Variants in DPP10 observed in about 807,000 individuals in gnomAD.
DPP10 encodes inactive dipeptidyl peptidase 10.
DPP10 carries 33 observed loss-of-function variants against 120.9 expected under a neutral mutation model. The observed-to-expected ratio is 0.27, with a 90% CI of 0.21 to 0.37. DPP10 has a LOEUF of 0.37. Ranked by LOEUF, DPP10 falls within the 10% of genes least tolerant of loss-of-function variation. The pLI is 1.00. For missense variants in DPP10, 816 were observed against 942.8 expected (o/e 0.87, Z 1.76); for synonymous variants, 337 against 326.1 (o/e 1.03, Z -0.36).
chr2:114,658,569 T>C (rs1274231277), intron 1 of DPP10, among the ~76,000 whole-genome samples: 1 of 152,128 alleles, frequency 6.6e-6, no homozygotes, highest in Non-Finnish European at 1.5e-5. Flanking sequence ...GGAACTGAAA[T>C]AGGTGTTTAA....
At chr2:114,547,871 A>G (rs746737553) in intron 1 of DPP10, among the ~76,000 whole-genome samples, 19 of 152,222 alleles carry the variant, frequency 1.2e-4, no homozygotes, top group Non-Finnish European at 2.8e-4. Context: ...AGGGGAGCAC[A>G]GCTACTGCCA....
intron 5 of DPP10, among the ~76,000 whole-genome samples, chr2:115,659,812 C>A (rs1381141931): frequency 6.6e-6 from 1 of 152,124 alleles, no homozygotes; most frequent in African/African-American, 2.4e-5. Flanking sequence ...GTTCTATAAG[C>A]CCCAGGCAAG....
intron 1 of DPP10, among the ~76,000 whole-genome samples, chr2:115,189,865 C>T (rs1275339637): frequency 1.3e-5 from 2 of 152,146 alleles, no homozygotes; most frequent in Non-Finnish European, 2.9e-5. Flanking sequence ...TTTCCATTTA[C>T]TGTACCATTT....
chr2:115,247,629 CAAG>C, intron 1 of DPP10, among the ~76,000 whole-genome samples: 1 of 152,108 alleles, frequency 6.6e-6, no homozygotes, highest in Non-Finnish European at 1.5e-5. Context: ...ACTCTTGCCC[CAAG>C]AGAGTCAGTG....
intron 19 of DPP10, among the ~76,000 whole-genome samples, chr2:115,811,441 T>C (rs1484021499): frequency 2.0e-5 from 3 of 152,200 alleles, no homozygotes; most frequent in Non-Finnish European, 4.4e-5. Context: ...CTGTTGCCAT[T>C]TACTAATTGT....
chr2:114,872,055 G>A (rs1037053813), intron 1 of DPP10, among the ~76,000 whole-genome samples: 1 of 152,166 alleles, frequency 6.6e-6, no homozygotes, highest in Non-Finnish European at 1.5e-5. Context: ...TTAGCAAAGA[G>A]CTTTGACTTC....
In DPP10 at chr2:114,788,239, C is replaced by A. The variant is rs189266286; in HGVS notation, c.60+345401C>A. Among the ~76,000 whole-genome samples the A allele has an allele frequency of 5.4e-3, 827 of 152,146 alleles. 5 individuals carry two copies. Among genetic ancestry groups the A allele is most frequent in the African/African-American group, 0.019 (791 of 41,502 alleles). ...TTGTTTATGGTTCAATCTAATGTAA[C>A]AATTTTCCTACATTTTAATATTTTG... On this transcript the variant is annotated intron_variant, in intron 1 of 25. Coordinates refer to ENST00000410059, the MANE Select transcript of DPP10 (RefSeq NM_020868.6).
At chr2:115,590,837 C>G (rs1260993602) in intron 5 of DPP10, among the ~76,000 whole-genome samples, 1 of 152,138 alleles carries the variant, frequency 6.6e-6, no homozygotes, top group African/African-American at 2.4e-5. Context: ...CTGTTGTTTC[C>G]TGACTTTTTA....
chr2:115,436,865 TTTAA>T (rs2071546964), intron 3 of DPP10, among the ~76,000 whole-genome samples: 2 of 151,944 alleles, frequency 1.3e-5, no homozygotes, highest in African/African-American at 4.8e-5. Context: ...CTGAACCATC[TTTAA>T]TTAATAATTT....
intron 1 of DPP10, among the ~76,000 whole-genome samples, chr2:115,047,803 G>T (rs1201306234): frequency 1.3e-5 from 2 of 152,180 alleles, no homozygotes; most frequent in Non-Finnish European, 2.9e-5. Context: ...ACTTCTTGCT[G>T]ATTCTCACCT....
chr2:115,553,933 G>A, intron 5 of DPP10, among the ~76,000 whole-genome samples: 1 of 151,002 alleles, frequency 6.6e-6, no homozygotes, highest in African/African-American at 2.4e-5. Flanking sequence ...TTCAGGTGAA[G>A]TGAATACTGG....
intron 2 of DPP10, among the ~76,000 whole-genome samples, chr2:115,328,349 G>C (rs1249045027): frequency 6.6e-6 from 1 of 152,080 alleles, no homozygotes; most frequent in Non-Finnish European, 1.5e-5. Context: ...AAAGAGGTTT[G>C]AGAATCATTA....
chr2:115,821,203 AG>A (rs1289073193), intron 21 of DPP10, among the ~76,000 whole-genome samples: 7 of 152,214 alleles, frequency 4.6e-5, no homozygotes, highest in Admixed American at 1.3e-4. Context: ...GGTGCATTAA[AG>A]TATCCCTTTA....
At position 115,187,086 on chromosome 2, in the gene DPP10, G is replaced by A. The variant is rs1043269227; in HGVS notation, c.61-122153G>A. Among the ~76,000 whole-genome samples the A allele has an allele frequency of 1.7e-4, 22 of 126,358 alleles. No homozygotes were observed. The South Asian group carries it at 4.0e-3, about 23-fold the overall frequency. 82.9% of individuals were successfully genotyped at this position (126,358 alleles called of 152,430 possible). The stretch of plus-strand genomic sequence containing the variant: ...GGAGTTTCGCTCTGTCGGGCCTGCG[G>A]ACTGCAATGGCGCAATCTCGGCTCA... On this transcript the variant is annotated intron_variant, in intron 1 of 25. Transcript: ENST00000410059.
intron 15 of DPP10, among the ~76,000 whole-genome samples, chr2:115,780,511 T>C (rs1682622950): frequency 6.6e-6 from 1 of 151,836 alleles, no homozygotes; most frequent in African/African-American, 2.4e-5. Context: ...TTGAATAATC[T>C]CTGTGGGAAA....
intron 1 of DPP10, among the ~76,000 whole-genome samples, chr2:114,489,153 G>A (rs1681765265): frequency 6.6e-6 from 1 of 152,164 alleles, no homozygotes; most frequent in South Asian, 2.1e-4. Context: ...TGTCATCCAT[G>A]CCCGGATCCC....
intron 5 of DPP10, among the ~76,000 whole-genome samples, chr2:115,531,779 T>A (rs896460505): frequency 6.6e-6 from 1 of 152,130 alleles, no homozygotes; most frequent in African/African-American, 2.4e-5. Flanking sequence ...CAGCAAAACA[T>A]TGCTGTTCTC....
At chr2:115,415,934 A>C (rs970068252) in intron 3 of DPP10, among the ~76,000 whole-genome samples, 1 of 148,744 alleles carries the variant, frequency 6.7e-6, no homozygotes, top group Non-Finnish European at 1.5e-5. Flanking sequence ...GAGAATATTT[A>C]CATGAAATTT....
At chr2:115,486,238 G>GTTT (rs775038623) in intron 3 of DPP10, among the ~76,000 whole-genome samples, 40,882 of 151,698 alleles carry the variant, frequency 0.27, 6,381 homozygotes, top group East Asian at 0.41. Flanking sequence ...TTTCATAAGG[G>GTTT]TGAGAAAACT....
Sources: gnomAD v4.1 joint callset for allele counts (sites outside exome capture counted in the v4.1 genomes callset) on GRCh38, gnomAD v4.1.1 for gene constraint, MANE v1.5 for transcripts, NCBI Gene and HGNC (gene_info 2026-07-23, HGNC 2026-07-21) for gene names.